Variants in MYO5B observed in about 807,000 individuals in gnomAD.
The protein encoded by MYO5B is unconventional myosin-Vb.
Under a neutral mutation model 229.3 loss-of-function variants are expected in MYO5B, and 143 were observed. The observed-to-expected ratio is 0.62, with a 90% CI of 0.54 to 0.72. MYO5B has a LOEUF of 0.72. MYO5B is among the 30% of genes least tolerant of loss of function. The probability of loss-of-function intolerance (pLI) is 0.00; values close to 1 mark genes in which losing one functional copy is unlikely to be tolerated. For missense variants in MYO5B, 2,321 were observed against 2,331.0 expected, an observed-to-expected ratio of 1.00 and a Z score of 0.09; for synonymous variants, 918 against 885.2, an observed-to-expected ratio of 1.04 and a Z score of -0.66.
chr18:49,909,933 A>T (rs902214615), intron 18 of MYO5B, among the ~76,000 whole-genome samples: 13 of 152,226 alleles, frequency 8.5e-5, no homozygotes, highest in African/African-American at 3.1e-4. Flanking sequence ...TATTAGGCTC[A>T]GCACTCATAA....
At chr18:49,884,034 T>C (rs1455834699) in intron 22 of MYO5B, among the ~76,000 whole-genome samples, 3 of 151,828 alleles carry the variant, frequency 2.0e-5, no homozygotes, top group African/African-American at 4.8e-5. Flanking sequence ...AACAAATCTT[T>C]GTGACCTTTG....
chr18:50,093,180 CCACACACACA>C (rs3075642), intron 1 of MYO5B, among the ~76,000 whole-genome samples: 2 of 148,636 alleles, frequency 1.3e-5, no homozygotes, highest in African/African-American at 2.5e-5. Context: ...GAGCTTTGTG[CCACACACACA>C]CACACACACA....
At chr18:49,902,272 G>C (rs759530436) in intron 21 of MYO5B, among the ~76,000 whole-genome samples, 1 of 129,842 alleles carries the variant, frequency 7.7e-6, no homozygotes, top group Non-Finnish European at 1.6e-5. Context: ...TGATCCTCCA[G>C]CCTCCCTCTT....
chr18:49,992,479 T>C (rs2025944558), intron 5 of MYO5B, 48 bp from the exon 6 acceptor site: 5 of 1,613,608 alleles, frequency 3.1e-6, no homozygotes, highest in Admixed American at 1.7e-5. Context: ...GAGGGCTTTC[T>C]TGATTTCAGG....
rs1413730839 is a variant in MYO5B at position 50,001,428 on chromosome 18, T to C, written c.456-17A>G. The C allele has an allele frequency of 6.2e-7, 1 of 1,613,954 alleles. No individual in the cohort carries two copies. The highest frequency in any genetic ancestry group is 8.5e-7 in the Non-Finnish European group (1 of 1,179,908). On this transcript the variant is annotated splice_polypyrimidine_tract_variant and intron_variant, in intron 4 of 39. Coordinates refer to ENST00000285039, the MANE Select transcript of MYO5B (RefSeq NM_001080467.3). ...TTCTCATCTCTGGAAGGAAAAAAGC[T>C]CTGATAAGTCATTGGCCATGGAAAG...
At chr18:50,021,995 G>A (rs1333174417) in intron 4 of MYO5B, among the ~76,000 whole-genome samples, 3 of 152,162 alleles carry the variant, frequency 2.0e-5, no homozygotes, top group Non-Finnish European at 2.9e-5. Context: ...CTAGACAGCT[G>A]TACTTGGATG....
chr18:50,121,414 T>A (rs893239267), intron 1 of MYO5B, among the ~76,000 whole-genome samples: 1 of 152,226 alleles, frequency 6.6e-6, no homozygotes, highest in African/African-American at 2.4e-5. Flanking sequence ...AAGTCTTGTG[T>A]ATGTCTTTCT....
chr18:49,854,292 G>A (rs1281582905), intron 30 of MYO5B, among the ~76,000 whole-genome samples: 1 of 152,172 alleles, frequency 6.6e-6, no homozygotes, highest in Non-Finnish European at 1.5e-5. Flanking sequence ...TGTAAGATCA[G>A]CTGGTGTCAT....
chr18:50,089,950 C>A (rs1281954503), intron 1 of MYO5B, among the ~76,000 whole-genome samples: 1 of 152,178 alleles, frequency 6.6e-6, no homozygotes, highest in Non-Finnish European at 1.5e-5. Context: ...ACATGAATGA[C>A]ATACCTGGTC....
chr18:49,989,891 C>G (rs951952070), intron 7 of MYO5B, among the ~76,000 whole-genome samples: 1 of 152,164 alleles, frequency 6.6e-6, no homozygotes, highest in Non-Finnish European at 1.5e-5. Context: ...TGCCAGTCCA[C>G]GAGAGATCAG....
chr18:50,190,699 T>C (rs2033214867), intron 1 of MYO5B, among the ~76,000 whole-genome samples: 3 of 152,214 alleles, frequency 2.0e-5, no homozygotes, highest in Admixed American at 1.3e-4. Context: ...ACACATTTAA[T>C]TGGATGGAGG....
Position 49,931,216 on chromosome 18 carries a change from T to G in MYO5B, c.2004-1618A>C, listed in dbSNP as rs538656055. ...CTTGGCACTGGAAAACAGTGGGCAT[T>G]TGCCAAGCAACTGATGACTGCAAGA... is the stretch of plus-strand genomic sequence containing the variant. On this transcript the variant is annotated intron_variant, in intron 16 of 39. Transcript: ENST00000285039. Among the ~76,000 whole-genome samples, 5 of 152,212 alleles carry G rather than the reference T, an allele frequency of 3.3e-5. No individual in the cohort carries two copies. In the East Asian group the frequency reaches 9.7e-4, roughly 29 times the overall value.
chr18:49,918,738 G>A (rs16951224), intron 17 of MYO5B, among the ~76,000 whole-genome samples: 4 of 152,192 alleles, frequency 2.6e-5, no homozygotes, highest in African/African-American at 7.2e-5. Context: ...CCAACAGGCT[G>A]TCTCTGGATA....
At chr18:50,108,299 T>C (rs2031798808) in intron 1 of MYO5B, among the ~76,000 whole-genome samples, 1 of 152,374 alleles carries the variant, frequency 6.6e-6, no homozygotes, top group African/African-American at 2.4e-5. Flanking sequence ...GCTTTGTCTA[T>C]AGTTGAACTT....
At chr18:49,863,423 GACA>G in intron 28 of MYO5B, 96 bp from the exon 29 acceptor site, 1 of 1,023,424 alleles carries the variant, frequency 9.8e-7, no homozygotes, top group Non-Finnish European at 1.5e-6. Context: ...TTTGGGAAAA[GACA>G]AAGGCCTGGA....
At chr18:50,069,351 AT>A (rs1379775896) in intron 1 of MYO5B, among the ~76,000 whole-genome samples, 1 of 152,202 alleles carries the variant, frequency 6.6e-6, no homozygotes, top group East Asian at 1.9e-4. Flanking sequence ...GAACAGCATC[AT>A]GTCAGGACAG....
chr18:49,992,588 A>G (rs867486702), intron 5 of MYO5B, among the ~76,000 whole-genome samples, 157 bp from the exon 6 acceptor site: 4 of 152,340 alleles, frequency 2.6e-5, no homozygotes, highest in Middle Eastern at 6.8e-3. Context: ...GAATAAAACA[A>G]AAACTTGAAA....
chr18:50,146,195 AT>A (rs992516431), intron 1 of MYO5B, among the ~76,000 whole-genome samples: 2 of 152,232 alleles, frequency 1.3e-5, no homozygotes, highest in African/African-American at 4.8e-5. Context: ...AGAAATATTT[AT>A]GCCAGACACA....
Position 49,904,699 on chromosome 18 carries a change from G to A in MYO5B, c.2544C>T (p.Ala848=), listed in dbSNP as rs1471868069. The A allele has an allele frequency of 3.7e-6, 6 of 1,613,922 alleles. No homozygotes were observed. Among genetic ancestry groups the A allele is most frequent in the East Asian group, 2.2e-5 (1 of 44,892 alleles). Residue 848 remains alanine (A), a synonymous_variant, in exon 20 of 40, where the codon GCC becomes GCT. Transcript: ENST00000285039. ...AAVVIQAFTR[A]MFVRRTYRQV... is the part of the protein sequence containing the mutation. ...GGCGGTAGGTTCTCCGCACAAACAT[G>A]GCCCGGGTGAAGGCCTGGATAACAA...
Sources: allele counts gnomAD v4.1 joint callset (sites outside exome capture counted in the v4.1 genomes callset), GRCh38; gene constraint gnomAD v4.1.1; transcripts MANE v1.5; gene names NCBI Gene and HGNC (gene_info 2026-07-23, HGNC 2026-07-21).